Variants in ARB2A observed in about 807,000 individuals in gnomAD.
ARB2A encodes the protein cotranscriptional regulator ARB2A.
At chr5:93,804,859 G>A in the ARB2A span, 1 of 779,836 alleles carries the variant, frequency 1.3e-6, no homozygotes, top group East Asian at 1.3e-4. Context: ...TTTGAAATTT[G>A]TACATATACT....
the ARB2A span, among the ~76,000 whole-genome samples, chr5:94,042,771 A>T: frequency 2.0e-5 from 3 of 152,190 alleles, no homozygotes; most frequent in Non-Finnish European, 2.9e-5. Context: ...TTTGGCTTAT[A>T]TGGTATAAAA....
At chr5:93,843,414 A>G in the ARB2A span, among the ~76,000 whole-genome samples, 1 of 148,234 alleles carries the variant, frequency 6.7e-6, no homozygotes, top group Admixed American at 6.8e-5. Flanking sequence ...TAGAACAAGG[A>G]TACTTTTTTT....
the ARB2A span, among the ~76,000 whole-genome samples, chr5:93,949,510 G>A: frequency 8.6e-5 from 13 of 152,046 alleles, no homozygotes; most frequent in Non-Finnish European, 1.5e-4. Context: ...GCAGTGAGCC[G>A]AGATCACGCC....
the ARB2A span, among the ~76,000 whole-genome samples, chr5:94,083,012 T>C: frequency 6.6e-6 from 1 of 152,326 alleles, no homozygotes; most frequent in South Asian, 2.1e-4. Context: ...AAAATTCTTC[T>C]GTTCCAAAAC....
chr5:93,766,117 C>A, the ARB2A span, among the ~76,000 whole-genome samples: 4 of 152,156 alleles, frequency 2.6e-5, no homozygotes, highest in African/African-American at 9.7e-5. Flanking sequence ...CCATTCAGGA[C>A]ATAGGCATGG....
the ARB2A span, among the ~76,000 whole-genome samples, chr5:94,097,321 C>T: frequency 6.6e-6 from 1 of 152,192 alleles, no homozygotes; most frequent in South Asian, 2.1e-4. Flanking sequence ...TTTCCAATGG[C>T]CACCCCCACA....
the ARB2A span, among the ~76,000 whole-genome samples, chr5:93,860,352 G>A: frequency 6.6e-6 from 1 of 151,830 alleles, no homozygotes; most frequent in African/African-American, 2.4e-5. Flanking sequence ...AACCAACAAT[G>A]TTCATCCACA....
At chr5:93,673,774 G>A in the ARB2A span, among the ~76,000 whole-genome samples, 4 of 152,008 alleles carry the variant, frequency 2.6e-5, no homozygotes, top group African/African-American at 9.7e-5. Context: ...GTGATTAAAC[G>A]AGTCCTCTGA....
At chr5:93,665,618 A>T in the ARB2A span, among the ~76,000 whole-genome samples, 1 of 152,344 alleles carries the variant, frequency 6.6e-6, no homozygotes, top group South Asian at 2.1e-4. Context: ...TGATAAAACA[A>T]ACAGGGGTCA....
chr5:93,644,453 C>A, the ARB2A span, among the ~76,000 whole-genome samples: 2 of 152,246 alleles, frequency 1.3e-5, no homozygotes, highest in East Asian at 3.9e-4. Context: ...CAACTGCAGA[C>A]TGAACCCTTA....
chr5:93,690,308 A>T, the ARB2A span, among the ~76,000 whole-genome samples: 98 of 152,256 alleles, frequency 6.4e-4, 3 homozygotes, highest in South Asian at 0.02. Flanking sequence ...CATTGGCTTG[A>T]AATTCTCACT....
chr5:93,644,067 TAA>T, the ARB2A span, among the ~76,000 whole-genome samples: 1 of 152,182 alleles, frequency 6.6e-6, no homozygotes, highest in Non-Finnish European at 1.5e-5. Flanking sequence ...AGTAAGAATA[TAA>T]GTGCCATGAA....
the ARB2A span, among the ~76,000 whole-genome samples, chr5:94,011,801 A>T: frequency 6.6e-6 from 1 of 151,714 alleles, no homozygotes; most frequent in African/African-American, 2.4e-5. Flanking sequence ...GTAGATACAG[A>T]TTTAGAGTCA....
the ARB2A span, among the ~76,000 whole-genome samples, chr5:93,691,611 A>G: frequency 1.3e-5 from 2 of 152,296 alleles, no homozygotes; most frequent in East Asian, 3.9e-4. Flanking sequence ...TCTTCAGGAT[A>G]TTATCCAGGA....
chr5:93,846,020 C>T, the ARB2A span, among the ~76,000 whole-genome samples: 1 of 151,850 alleles, frequency 6.6e-6, no homozygotes, highest in East Asian at 1.9e-4. Flanking sequence ...CACACACACA[C>T]ACACACACAC....
chr5:93,982,656 TACATGGTATAGCCTACTACTCCTAGG>T, the ARB2A span, among the ~76,000 whole-genome samples: 1 of 152,202 alleles, frequency 6.6e-6, no homozygotes, highest in South Asian at 2.1e-4. Flanking sequence ...ACATCTAGGC[TACATGGTATAGCCTACTACTCCTAGG>T]CTACAAACTT....
chr5:94,018,067 G>A, the ARB2A span, among the ~76,000 whole-genome samples: 1 of 152,088 alleles, frequency 6.6e-6, no homozygotes, highest in African/African-American at 2.4e-5. Flanking sequence ...TCTGAGGCCT[G>A]CCCAGCCATA....
the ARB2A span, among the ~76,000 whole-genome samples, chr5:93,625,414 A>G: frequency 1.3e-5 from 2 of 152,206 alleles, no homozygotes; most frequent in Admixed American, 1.3e-4. Context: ...AATTCTTCCA[A>G]TAATCTGAAC....
the ARB2A span, among the ~76,000 whole-genome samples, chr5:93,998,163 C>T: frequency 6.6e-6 from 1 of 151,910 alleles, no homozygotes; most frequent in Non-Finnish European, 1.5e-5. Flanking sequence ...TGAGAAGGCC[C>T]ATCTGCACAT....
Sources: gnomAD v4.1 joint callset for allele counts (sites outside exome capture counted in the v4.1 genomes callset) on GRCh38, gnomAD v4.1.1 for gene constraint, MANE v1.5 for transcripts, NCBI Gene and HGNC (gene_info 2026-07-23, HGNC 2026-07-21) for gene names.